TGFBR2: variants seen among roughly 807,000 people sequenced by gnomAD.
TGFBR2 encodes transforming growth factor beta receptor 2.
TGFBR2 carries 18 observed loss-of-function variants against 49.0 expected under a neutral mutation model. The observed-to-expected ratio is 0.37, with a 90% CI of 0.25 to 0.54. The LOEUF is 0.54. Ranked by LOEUF, TGFBR2 falls within the 20% of genes least tolerant of loss-of-function variation. The probability of loss-of-function intolerance (pLI) is 0.85; values close to 1 mark genes in which losing one functional copy is unlikely to be tolerated. For synonymous variants in TGFBR2, 282 were observed against 275.9 expected (o/e 1.02, Z -0.22); for missense variants, 525 against 722.6 (o/e 0.73, Z 3.13).
rs1244557274 is a variant in TGFBR2 at position 30,665,457 on chromosome 3, A to G, written c.455-6181A>G. On this transcript the variant is annotated intron_variant, in intron 3 of 6. Coordinates refer to ENST00000295754, the MANE Select transcript of TGFBR2 (RefSeq NM_003242.6). ...TAAAGTAGATCATGTTTACAAAATAAATTGTCCGGTGCCTAACCCAACAAA... is the reference window on the plus strand; with the variant it reads ...TAAAGTAGATCATGTTTACAAAATAGATTGTCCGGTGCCTAACCCAACAAA... Among the ~76,000 whole-genome samples the G allele has an allele frequency of 2.0e-5, 3 of 152,212 alleles. No individual in the cohort carries two copies. In the East Asian group the frequency reaches 5.8e-4, roughly 29 times the overall value.
chr3:30,631,004 A>C (rs1698426744), intron 1 of TGFBR2, among the ~76,000 whole-genome samples: 1 of 147,182 alleles, frequency 6.8e-6, no homozygotes, highest in Non-Finnish European at 1.5e-5. Context: ...TACCAACCTT[A>C]GTGGGATTGC....
chr3:30,624,839 C>G (rs1006637921), intron 1 of TGFBR2, among the ~76,000 whole-genome samples: 1 of 151,928 alleles, frequency 6.6e-6, no homozygotes, highest in African/African-American at 2.4e-5. Flanking sequence ...TGTTTTCCAC[C>G]AGTGTTCTTC....
Position 30,692,401 on chromosome 3 carries a change from C to T in TGFBR2, c.*802C>T. 1 of 231,266 alleles carries T rather than the reference C, an allele frequency of 4.3e-6. No homozygotes were observed. Among genetic ancestry groups the T allele is most frequent in the Non-Finnish European group, 8.6e-6 (1 of 116,768 alleles). The allele number at this position is 231,266 out of a possible 1,614,324, so 14.3% of individuals were successfully genotyped here. A position where few individuals can be genotyped will look rare whatever the true frequency, so the allele number is the denominator to read the frequency against. On this transcript the variant is annotated 3_prime_UTR_variant, in exon 7 of 7. Transcript: ENST00000295754. ...CTTTAATACCTTGAATGTTTTGAAC[C>T]CCACTTTTTACCTTCATGGGTTGCA... is the stretch of plus-strand genomic sequence containing the variant.
chr3:30,691,642 T>G lies in TGFBR2; in HGVS notation c.*43T>G. On this transcript the variant is annotated 3_prime_UTR_variant, in exon 7 of 7. Transcript: ENST00000295754. ...GGGCCATGTCCAAAGAGGCTGCCCC[T>G]CTCACCAAAGAACAGAGGCAGCAGG... 6.2e-7 allele frequency: 1 copy of G among 1,611,962 alleles called. No individual in the cohort carries two copies. The highest frequency in any genetic ancestry group is 8.5e-7 in the Non-Finnish European group (1 of 1,178,312).
At chr3:30,623,359 TA>T (rs1282448678) in intron 1 of TGFBR2, 1 of 1,491,932 alleles carries the variant, frequency 6.7e-7, no homozygotes, top group African/African-American at 1.4e-5. Flanking sequence ...AAATCTAAGA[TA>T]AAAATCTATA....
chr3:30,665,378 C>T (rs1699224040), intron 3 of TGFBR2, among the ~76,000 whole-genome samples: 1 of 152,146 alleles, frequency 6.6e-6, no homozygotes, highest in African/African-American at 2.4e-5. Context: ...CAGTATCCTC[C>T]TCTGTAAAAC....
chr3:30,671,302 A>G (rs1443377527), intron 3 of TGFBR2, among the ~76,000 whole-genome samples: 1 of 152,156 alleles, frequency 6.6e-6, no homozygotes, highest in Non-Finnish European at 1.5e-5. Context: ...TAGTTCATTT[A>G]GTTTAAGTTG....
chr3:30,671,879 C>A lies in TGFBR2; in HGVS notation c.696C>A (p.Ala232=). Residue 232 remains alanine (A), a synonymous_variant, in exon 4 of 7, where the codon GCC becomes GCA. Coordinates refer to ENST00000295754, the MANE Select transcript of TGFBR2 (RefSeq NM_003242.6). The stretch of plus-strand genomic sequence containing the variant: ...GCTCTGACATCAGCTCCACGTGTGC[C>A]AACAACATCAACCACAACACAGAGC... The part of the protein sequence containing the change: ...DDRSDISSTC[A]NNINHNTELL... 1 of 1,614,208 alleles carries A rather than the reference C, an allele frequency of 6.2e-7. No homozygotes were observed. Among genetic ancestry groups the A allele is most frequent in the Non-Finnish European group, 8.5e-7 (1 of 1,180,030 alleles).
Position 30,693,120 on chromosome 3 carries a change from G to A in TGFBR2, c.*1521G>A, listed in dbSNP as rs11466533. 7,881 of 233,252 alleles carry A rather than the reference G, an allele frequency of 0.034. 558 individuals are homozygous for A. Among genetic ancestry groups the A allele is most frequent in the African/African-American group, 0.15 (6,989 of 45,396 alleles). 14.4% of individuals were successfully genotyped at this position (233,252 alleles called of 1,614,324 possible). On this transcript the variant is annotated 3_prime_UTR_variant, in exon 7 of 7. Transcript: ENST00000295754. ...GTTGGCCTTTTATTGGACTAAAGGG[G>A]AACTCCTTTAAGGGTCTCAGTTAGC...
At chr3:30,681,160 G>GAAAA (rs55729736) in intron 5 of TGFBR2, among the ~76,000 whole-genome samples, 1 of 83,000 alleles carries the variant, frequency 1.2e-5, no homozygotes, top group Non-Finnish European at 2.3e-5. Flanking sequence ...CTTGTGAGAT[G>GAAAA]AAAAAAAAAA....
chr3:30,664,310 G>C (rs1699205566), intron 3 of TGFBR2, among the ~76,000 whole-genome samples: 1 of 151,752 alleles, frequency 6.6e-6, no homozygotes, highest in African/African-American at 2.4e-5. Flanking sequence ...CATCTGAGTG[G>C]CTTCAAAGCT....
At chr3:30,659,887 GA>G (rs1240090926) in intron 3 of TGFBR2, among the ~76,000 whole-genome samples, 1 of 151,264 alleles carries the variant, frequency 6.6e-6, no homozygotes. Context: ...CCCACCAGGG[GA>G]AAAAAAAGGC....
chr3:30,674,319 T>G (rs1699395752), intron 5 of TGFBR2, 73 bp downstream of exon 5: 3 of 1,580,264 alleles, frequency 1.9e-6, no homozygotes, highest in Admixed American at 1.7e-5. Flanking sequence ...GCTTCGAGCA[T>G]TATTCCAGGG....
rs1699343672 is a variant in TGFBR2 at position 30,671,813 on chromosome 3, G to A, written c.630G>A (p.Met210Ile). ...TWETGKTRKL[M>I]EFSEHCAIIL... ...AAACCGGCAAGACGCGGAAGCTCAT[G>A]GAGTTCAGCGAGCACTGTGCCATCA... is the stretch of plus-strand genomic sequence containing the variant. The change falls in exon 4 of 7, where the codon ATG becomes ATA. Residue 210 changes from methionine to isoleucine, a missense_variant. Met to Ile is a conservative substitution (Grantham distance 10, BLOSUM62 1). Around this residue, in one of 3 missense-constraint regions of TGFBR2, gnomAD observed 376 missense variants for 478.2 expected, o/e 0.79. Transcript: ENST00000295754. 2 of 1,614,194 alleles carry A rather than the reference G, an allele frequency of 1.2e-6. No individual in the cohort carries two copies. The highest frequency in any genetic ancestry group is 8.5e-7 in the Non-Finnish European group (1 of 1,180,038).
rs11466521 is a variant in TGFBR2, at chr3:30,674,485, C to T, written c.1396+239C>T. On this transcript the variant is annotated intron_variant, in intron 5 of 6. Coordinates refer to ENST00000295754, the MANE Select transcript of TGFBR2 (RefSeq NM_003242.6). ...CCTTTTATAAACCTTTGTATAATTA[C>T]TCTTCTCTTGACACATCTCTTCACA... 0.21 allele frequency among the ~76,000 whole-genome samples: 31,645 copies of T among 152,080 alleles called. 3,475 individuals are homozygous for T. Among genetic ancestry groups the T allele is most frequent in the Admixed American group, 0.24 (3,670 of 15,282 alleles).
chr3:30,626,936 A>G (rs1291057542), intron 1 of TGFBR2: 3 of 152,232 alleles, frequency 2.0e-5, no homozygotes, highest in Non-Finnish European at 4.4e-5. Context: ...TAATCAGATT[A>G]TGGGAGCCTT....
chr3:30,623,720 A>G (rs1248764843), intron 1 of TGFBR2, among the ~76,000 whole-genome samples: 1 of 152,212 alleles, frequency 6.6e-6, no homozygotes, highest in Non-Finnish European at 1.5e-5. Flanking sequence ...AAGTTGCTTA[A>G]CCTAATCAGG....
At chr3:30,690,394 T>C (rs1189692042) in intron 6 of TGFBR2, among the ~76,000 whole-genome samples, 1 of 152,194 alleles carries the variant, frequency 6.6e-6, no homozygotes, top group East Asian at 1.9e-4. Context: ...GGGAGCTTGA[T>C]TCGGTTAGGG....
chr3:30,679,364 C>T (rs1034471337), intron 5 of TGFBR2, among the ~76,000 whole-genome samples: 2 of 152,080 alleles, frequency 1.3e-5, no homozygotes, highest in African/African-American at 4.8e-5. Context: ...TGCAGGGGAG[C>T]ACAGGGAAAA....
Sources: gnomAD v4.1 joint callset for allele counts (sites outside exome capture counted in the v4.1 genomes callset) on GRCh38, gnomAD v4.1.1 for gene constraint, gnomAD v4.1.1 regional missense constraint, MANE v1.5 for transcripts, NCBI Gene and HGNC (gene_info 2026-07-23, HGNC 2026-07-21) for gene names.